TP63: variants seen among roughly 807,000 people sequenced by gnomAD.
The protein encoded by TP63 is tumor protein 63.
Under a neutral mutation model 82.8 loss-of-function variants are expected in TP63, and 17 were observed. The observed-to-expected ratio is 0.21, with a 90% CI of 0.14 to 0.31. The LOEUF (loss-of-function observed/expected upper bound fraction) is 0.31. Among genes scored for constraint, TP63 ranks in the 10% least tolerant of loss-of-function variants. TP63 has a pLI of 1.00. For missense variants in TP63, 648 were observed against 895.3 expected, an observed-to-expected ratio of 0.72 and a Z score of 3.52; for synonymous variants, 330 against 321.7, an observed-to-expected ratio of 1.03 and a Z score of -0.28.
intron 1 of TP63, among the ~76,000 whole-genome samples, chr3:189,708,359 T>G (rs1251776700): frequency 6.6e-6 from 1 of 152,206 alleles, no homozygotes; most frequent in Non-Finnish European, 1.5e-5. Context: ...ATCTTTGTTT[T>G]CTCGTTTGTT....
chr3:189,897,118 AG>A lies in TP63; in HGVS notation c.*2618del, dbSNP rs1272633164. 8.9e-6 allele frequency: 2 copies of A among 223,894 alleles called. No homozygotes were observed. Among genetic ancestry groups the A allele is most frequent in the African/African-American group, 4.5e-5 (2 of 44,860 alleles). 13.9% of individuals were successfully genotyped at this position (223,894 alleles called of 1,614,324 possible). On this transcript the variant is annotated 3_prime_UTR_variant, in exon 14 of 14. Transcript: ENST00000264731. ...TATATGCTTTATTAATGTTTTCAAA[AG>A]GTATTATACATGTGATACATTTTTT...
At chr3:189,757,602 T>C (rs1180292323) in intron 3 of TP63, among the ~76,000 whole-genome samples, 2 of 150,190 alleles carry the variant, frequency 1.3e-5, no homozygotes, top group African/African-American at 4.9e-5. Context: ...CAATTACTGA[T>C]GCAGGACAAG....
chr3:189,768,838 C>CA (rs1485032919), intron 3 of TP63, among the ~76,000 whole-genome samples: 1 of 151,940 alleles, frequency 6.6e-6, no homozygotes, highest in Non-Finnish European at 1.5e-5. Context: ...TGAACAACAG[C>CA]AAAAAAGCAC....
intron 4 of TP63, among the ~76,000 whole-genome samples, chr3:189,828,484 T>C (rs1197917376): frequency 6.6e-6 from 1 of 152,258 alleles, no homozygotes; most frequent in African/African-American, 2.4e-5. Context: ...CCTCAAGGTT[T>C]GGGGCCTTTT....
At chr3:189,701,572 A>G (rs1717811162) in intron 1 of TP63, among the ~76,000 whole-genome samples, 1 of 148,772 alleles carries the variant, frequency 6.7e-6, no homozygotes. Flanking sequence ...TGTTATATAT[A>G]TGTGTAATTT....
chr3:189,729,612 A>G (rs1259217643), intron 1 of TP63, among the ~76,000 whole-genome samples: 1 of 152,192 alleles, frequency 6.6e-6, no homozygotes, highest in African/African-American at 2.4e-5. Context: ...AATGCTCTAA[A>G]TGAATTTTAT....
chr3:189,866,845 G>A lies in TP63; in HGVS notation c.882+48G>A, dbSNP rs371465405. 2.7e-6 allele frequency: 4 copies of A among 1,456,090 alleles called. No individual in the cohort carries two copies. In the African/African-American group the frequency reaches 5.6e-5, roughly 20 times the overall value. The allele number at this position is 1,456,090 out of a possible 1,614,324, so 90.2% of individuals were successfully genotyped here. ...AAAAAACAACACCTCTATGGACTGAGTAGACTTGAGAGAACATCTGTTTCA... is the reference window on the plus strand; with the variant it reads ...AAAAAACAACACCTCTATGGACTGAATAGACTTGAGAGAACATCTGTTTCA... On this transcript the variant is annotated intron_variant, in intron 6 of 13. Coordinates refer to ENST00000264731, the MANE Select transcript of TP63 (RefSeq NM_003722.5).
chr3:189,847,476 G>C (rs919992753), intron 4 of TP63, among the ~76,000 whole-genome samples: 9 of 152,174 alleles, frequency 5.9e-5, no homozygotes, highest in Non-Finnish European at 1.5e-5. Context: ...GATCATGTAA[G>C]TTGCCAGTTA....
At chr3:189,711,302 TCAA>T (rs1718575413) in intron 1 of TP63, among the ~76,000 whole-genome samples, 1 of 152,204 alleles carries the variant, frequency 6.6e-6, no homozygotes, top group Non-Finnish European at 1.5e-5. Context: ...TGCATTTAAT[TCAA>T]CAATTCCTCT....
intron 4 of TP63, among the ~76,000 whole-genome samples, chr3:189,854,924 G>A (rs1265289979): frequency 6.6e-6 from 1 of 152,192 alleles, no homozygotes; most frequent in Non-Finnish European, 1.5e-5. Flanking sequence ...AGGCTGAGAT[G>A]TAAAGAGGAC....
chr3:189,814,993 T>G (rs533420531), intron 4 of TP63, among the ~76,000 whole-genome samples: 1 of 109,934 alleles, frequency 9.1e-6, no homozygotes, highest in Admixed American at 9.0e-5. Context: ...TATATTTCTT[T>G]TCCTACTACA....
At chr3:189,840,359 CTT>C in intron 4 of TP63, among the ~76,000 whole-genome samples, 2,966 of 44,070 alleles carry the variant, frequency 0.067, 150 homozygotes, top group Middle Eastern at 0.16. Flanking sequence ...TGCTTTTCGT[CTT>C]TTTTTTTTTT....
At chr3:189,848,251 C>G (rs1048774743) in intron 4 of TP63, among the ~76,000 whole-genome samples, 1 of 149,246 alleles carries the variant, frequency 6.7e-6, no homozygotes, top group Admixed American at 6.7e-5. Context: ...CTCTCTCTCT[C>G]TCTCTCTCTC....
chr3:189,679,449 C>T (rs1047944964), intron 1 of TP63, among the ~76,000 whole-genome samples: 1 of 152,040 alleles, frequency 6.6e-6, no homozygotes, highest in Non-Finnish European at 1.5e-5. Flanking sequence ...AATGTCTTTT[C>T]AGGTTCTTTG....
At chr3:189,697,054 A>T (rs929711661) in intron 1 of TP63, among the ~76,000 whole-genome samples, 2 of 151,924 alleles carry the variant, frequency 1.3e-5, no homozygotes, top group Non-Finnish European at 1.5e-5. Context: ...TAAGTTACCA[A>T]TTATTTTATT....
chr3:189,662,577 A>G (rs750712331), intron 1 of TP63, among the ~76,000 whole-genome samples: 1 of 152,118 alleles, frequency 6.6e-6, no homozygotes, highest in Non-Finnish European at 1.5e-5. Flanking sequence ...GATCTTCTGA[A>G]TAAACATCTA....
intron 1 of TP63, among the ~76,000 whole-genome samples, chr3:189,712,197 A>G (rs1471964452): frequency 2.6e-5 from 4 of 152,208 alleles, no homozygotes; most frequent in African/African-American, 4.8e-5. Flanking sequence ...GACAGGAAAC[A>G]GACACGTAAA....
chr3:189,806,280 G>A (rs549626388), intron 3 of TP63, among the ~76,000 whole-genome samples: 60 of 152,144 alleles, frequency 3.9e-4, no homozygotes, highest in African/African-American at 1.4e-3. Context: ...AGGGAAGGGG[G>A]TGGCCCAGCA....
chr3:189,815,465 G>C (rs1206146847), intron 4 of TP63, among the ~76,000 whole-genome samples: 1 of 152,012 alleles, frequency 6.6e-6, no homozygotes. Flanking sequence ...ATCCCAGACT[G>C]TTGTCACAGG....
Sources: gnomAD v4.1 joint callset for allele counts (sites outside exome capture counted in the v4.1 genomes callset) on GRCh38, gnomAD v4.1.1 for gene constraint, MANE v1.5 for transcripts, NCBI Gene and HGNC (gene_info 2026-07-23, HGNC 2026-07-21) for gene names.